Variants in PCDH9 observed in about 807,000 individuals in gnomAD.
PCDH9 encodes the protein protocadherin 9.
PCDH9 carries 24 observed loss-of-function variants against 70.6 expected under a neutral mutation model. The ratio of observed to expected loss-of-function variants is 0.34; its 90% CI spans 0.25 to 0.48. PCDH9 has a LOEUF of 0.48. Ranked by LOEUF, PCDH9 falls within the 20% of genes least tolerant of loss-of-function variation. The pLI, the probability that PCDH9 is intolerant of heterozygous loss-of-function variation, is 0.99. For missense variants in PCDH9, 1,281 were observed against 1,503.6 expected, an observed-to-expected ratio of 0.85 and a Z score of 2.45; for synonymous variants, 562 against 558.5, an observed-to-expected ratio of 1.01 and a Z score of -0.09.
chr13:66,671,897 G>A (rs112967019), intron 3 of PCDH9, among the ~76,000 whole-genome samples: 2,355 of 152,290 alleles, frequency 0.015, 70 homozygotes, highest in African/African-American at 0.054. Flanking sequence ...TTTCTGAGCA[G>A]AAATTCAAGC....
intron 3 of PCDH9, among the ~76,000 whole-genome samples, chr13:66,727,137 A>G (rs1343149447): frequency 6.6e-6 from 1 of 152,078 alleles, no homozygotes; most frequent in Non-Finnish European, 1.5e-5. Flanking sequence ...GTGTGTTGGC[A>G]CACACCTGTA....
At chr13:66,386,033 T>C (rs75438754) in intron 4 of PCDH9, among the ~76,000 whole-genome samples, 4,448 of 151,738 alleles carry the variant, frequency 0.029, 225 homozygotes, top group African/African-American at 0.1. Flanking sequence ...ATCTTTTAGC[T>C]AGAGTAAAAA....
intron 4 of PCDH9, among the ~76,000 whole-genome samples, chr13:66,568,446 CACACAT>C (rs2076683588): frequency 6.7e-6 from 1 of 150,040 alleles, no homozygotes; most frequent in Non-Finnish European, 1.5e-5. Flanking sequence ...CGCACACACA[CACACAT>C]ACACTGATAA....
chr13:66,524,778 C>G (rs771391394), intron 4 of PCDH9, among the ~76,000 whole-genome samples: 27 of 152,028 alleles, frequency 1.8e-4, no homozygotes, highest in Non-Finnish European at 3.2e-4. Context: ...CAATATGTTG[C>G]CGTTTATAAT....
intron 3 of PCDH9, among the ~76,000 whole-genome samples, chr13:66,809,104 C>T (rs548321422): frequency 1.3e-5 from 2 of 152,216 alleles, no homozygotes; most frequent in South Asian, 2.1e-4. Context: ...CCCGCCACCA[C>T]GCTCGACTAA....
At chr13:66,730,873 T>TGG (rs2079065100) in intron 3 of PCDH9, among the ~76,000 whole-genome samples, 1 of 32,684 alleles carries the variant, frequency 3.1e-5, no homozygotes, top group Non-Finnish European at 6.2e-5. Context: ...TTTGTGTGTG[T>TGG]GTGTTTTTTT....
intron 3 of PCDH9, among the ~76,000 whole-genome samples, chr13:66,635,080 A>G (rs2138946602): frequency 6.6e-6 from 1 of 152,320 alleles, no homozygotes; most frequent in South Asian, 2.1e-4. Context: ...TCTTTATGGA[A>G]ATAAGCTCAG....
intron 3 of PCDH9, among the ~76,000 whole-genome samples, chr13:66,888,823 C>T (rs997078361): frequency 6.6e-6 from 1 of 152,172 alleles, no homozygotes; most frequent in Admixed American, 6.5e-5. Context: ...AGCTTGTGAG[C>T]TTTCCCAACA....
At chr13:66,960,396 T>G (rs1170508167) in intron 2 of PCDH9, among the ~76,000 whole-genome samples, 2 of 152,184 alleles carry the variant, frequency 1.3e-5, no homozygotes, top group Admixed American at 6.5e-5. Context: ...TCTACATATA[T>G]TTCATCTACT....
At chr13:66,361,632 A>C (rs1394208930) in intron 4 of PCDH9, among the ~76,000 whole-genome samples, 2 of 152,166 alleles carry the variant, frequency 1.3e-5, no homozygotes, top group Non-Finnish European at 2.9e-5. Context: ...CATATATTTC[A>C]GGATGCCTGC....
At chr13:66,902,932 A>G (rs1031271703) in intron 3 of PCDH9, among the ~76,000 whole-genome samples, 5 of 151,862 alleles carry the variant, frequency 3.3e-5, no homozygotes, top group South Asian at 2.1e-4. Flanking sequence ...TGGATCTTCT[A>G]CCTTTTAATG....
At chr13:66,484,843 G>A (rs1958912673) in intron 4 of PCDH9, among the ~76,000 whole-genome samples, 2 of 152,110 alleles carry the variant, frequency 1.3e-5, no homozygotes, top group African/African-American at 4.8e-5. Flanking sequence ...ATATCTCTCT[G>A]GCTTGTTGTA....
intron 3 of PCDH9, among the ~76,000 whole-genome samples, chr13:66,752,234 T>C (rs1396303110): frequency 6.6e-6 from 1 of 152,242 alleles, no homozygotes; most frequent in Non-Finnish European, 1.5e-5. Context: ...TTAAGCAGTG[T>C]CTAGTATATG....
intron 3 of PCDH9, among the ~76,000 whole-genome samples, chr13:66,690,094 C>G (rs980980156): frequency 6.6e-6 from 1 of 151,976 alleles, no homozygotes; most frequent in Non-Finnish European, 1.5e-5. Flanking sequence ...ATAAATAAAC[C>G]ATGCAATAAG....
intron 4 of PCDH9, among the ~76,000 whole-genome samples, chr13:66,420,588 G>A (rs1334307352): frequency 1.3e-5 from 2 of 152,182 alleles, no homozygotes; most frequent in Non-Finnish European, 2.9e-5. Flanking sequence ...CTGCACAAGA[G>A]AGGCCTGACT....
At chr13:67,217,814 T>C (rs2089641634) in intron 2 of PCDH9, 1 of 151,980 alleles carries the variant, frequency 6.6e-6, no homozygotes, top group Non-Finnish European at 1.5e-5. Context: ...AGTTTCTTCT[T>C]AGGAGAAATG....
chr13:67,031,349 CTG>C (rs2084902330), intron 2 of PCDH9, among the ~76,000 whole-genome samples: 1 of 152,090 alleles, frequency 6.6e-6, no homozygotes, highest in African/African-American at 2.4e-5. Flanking sequence ...CTTTTCCTAC[CTG>C]TAAAATACAA....
intron 2 of PCDH9, among the ~76,000 whole-genome samples, chr13:67,115,237 A>G (rs1281242976): frequency 1.3e-5 from 2 of 152,148 alleles, no homozygotes; most frequent in Non-Finnish European, 1.5e-5. Context: ...TAATAATTGG[A>G]TTTATAATTT....
chr13:66,900,850 A>G (rs1566278059), intron 3 of PCDH9, among the ~76,000 whole-genome samples: 1 of 151,720 alleles, frequency 6.6e-6, no homozygotes, highest in Non-Finnish European at 1.5e-5. Flanking sequence ...AGGTGATTAA[A>G]AGGGAGGGGA....
Sources: allele counts gnomAD v4.1 joint callset (sites outside exome capture counted in the v4.1 genomes callset), GRCh38; gene constraint gnomAD v4.1.1; transcripts MANE v1.5; gene names NCBI Gene and HGNC (gene_info 2026-07-23, HGNC 2026-07-21).